MAP4K5: variants seen among roughly 807,000 people sequenced by gnomAD.
MAP4K5 encodes the protein MAPK/ERK kinase kinase kinase 5.
In MAP4K5, 82 loss-of-function variants were observed where a neutral mutation model predicts 135.6. The ratio of observed to expected loss-of-function variants is 0.60; its 90% CI spans 0.51 to 0.73. The LOEUF is 0.73. Among genes scored for constraint, MAP4K5 ranks in the 30% least tolerant of loss-of-function variants. The probability of loss-of-function intolerance (pLI) is 0.00; values close to 1 mark genes in which losing one functional copy is unlikely to be tolerated. For synonymous variants in MAP4K5, 347 were observed against 335.0 expected (o/e 1.04, Z -0.39); for missense variants, 907 against 1,010.9 (o/e 0.90, Z 1.39).
intron 6 of MAP4K5, 104 bp downstream of exon 6, chr14:50,482,257 C>T (rs182828158): frequency 3.3e-6 from 2 of 602,682 alleles, no homozygotes; most frequent in Admixed American, 8.0e-5. Context: ...TTAAGGTAGA[C>T]TATCATTTTA....
chr14:50,486,253 G>T (rs2037361467), intron 3 of MAP4K5, 59 bp from the exon 4 acceptor site: 5 of 629,330 alleles, frequency 7.9e-6, no homozygotes, highest in African/African-American at 7.8e-5. Flanking sequence ...ATGAAAAGAA[G>T]GAAGGAAAAC....
At chr14:50,524,985 C>T (rs964810103) in intron 2 of MAP4K5, among the ~76,000 whole-genome samples, 1 of 152,122 alleles carries the variant, frequency 6.6e-6, no homozygotes, top group Non-Finnish European at 1.5e-5. Context: ...TTCCTCATAC[C>T]GCTTTGTTTC....
chr14:50,521,514 G>T (rs1187546492), intron 2 of MAP4K5, among the ~76,000 whole-genome samples: 2 of 152,110 alleles, frequency 1.3e-5, no homozygotes. Flanking sequence ...GTTTCTTCTT[G>T]GGTAAAATAG....
At chr14:50,450,192 C>T (rs1385391621) in intron 14 of MAP4K5, 1 of 152,048 alleles carries the variant, frequency 6.6e-6, no homozygotes, top group African/African-American at 2.4e-5. Flanking sequence ...GGTGATCTGC[C>T]CACCTAAGCC....
At chr14:50,455,035 A>G (rs1403663501) in intron 14 of MAP4K5, among the ~76,000 whole-genome samples, 4 of 152,026 alleles carry the variant, frequency 2.6e-5, no homozygotes, top group African/African-American at 7.2e-5. Flanking sequence ...AATAGAATAG[A>G]ATTTCCAGAA....
At chr14:50,504,766 C>A in intron 3 of MAP4K5, 34 bp downstream of exon 3, 1 of 1,443,694 alleles carries the variant, frequency 6.9e-7, no homozygotes, top group South Asian at 1.3e-5. Context: ...TATGGAAAAC[C>A]CTCAAAAATT....
chr14:50,506,662 A>G (rs2037816302), intron 2 of MAP4K5, among the ~76,000 whole-genome samples: 1 of 152,156 alleles, frequency 6.6e-6, no homozygotes, highest in Admixed American at 6.5e-5. Context: ...GCAAGAAAAT[A>G]ATTTTCAACA....
At chr14:50,517,371 C>T (rs556829898) in intron 2 of MAP4K5, among the ~76,000 whole-genome samples, 2 of 151,856 alleles carry the variant, frequency 1.3e-5, no homozygotes, top group African/African-American at 2.4e-5. Flanking sequence ...AGGCTGGTCT[C>T]GAACTCCTGA....
At chr14:50,421,203 G>A (rs2035722649) in intron 32 of MAP4K5, among the ~76,000 whole-genome samples, 1 of 151,254 alleles carries the variant, frequency 6.6e-6, no homozygotes, top group African/African-American at 2.4e-5. Context: ...GACATGCTTA[G>A]TTTTTTTTTC....
Position 50,440,363 on chromosome 14 carries a change from T to C in MAP4K5, c.1643A>G (p.Gln548Arg), listed in dbSNP as rs766405010. 6.3e-7 allele frequency: 1 copy of C among 1,579,156 alleles called. No individual in the cohort carries two copies. Among genetic ancestry groups the C allele is most frequent in the Non-Finnish European group, 8.7e-7 (1 of 1,153,618 alleles). The change falls in exon 22 of 33, where the codon CAG (glutamine) becomes CGG (arginine). Residue 548 changes from glutamine (Q) to arginine (R), a missense_variant and splice_region_variant. Around this residue, in one of 3 missense-constraint regions of MAP4K5, gnomAD observed 690 missense variants for 777.4 expected, o/e 0.89. Transcript: ENST00000682126. ...LNELHEATMEQLFPRKCTWLY... is the reference protein window; with the variant it reads ...LNELHEATMERLFPRKCTWLY... ...TCTTGAATTAAAATGCCTAATTACC[T>C]GTTCCATCGTTGCCTCATGTAGCTC...
chr14:50,519,006 T>C (rs1238853449), intron 2 of MAP4K5, among the ~76,000 whole-genome samples: 3 of 152,166 alleles, frequency 2.0e-5, no homozygotes, highest in South Asian at 4.2e-4. Flanking sequence ...ATAATTAAGA[T>C]TGTGTGAAAA....
intron 3 of MAP4K5, among the ~76,000 whole-genome samples, chr14:50,490,762 G>A (rs1244931664): frequency 6.6e-6 from 1 of 152,158 alleles, no homozygotes; most frequent in Admixed American, 6.5e-5. Context: ...TCACAGCTCT[G>A]AATACAATTA....
chr14:50,463,755 CG>C (rs1245361288), intron 12 of MAP4K5, among the ~76,000 whole-genome samples: 2 of 151,628 alleles, frequency 1.3e-5, no homozygotes, highest in African/African-American at 4.8e-5. Context: ...GGTAGTGGCA[CG>C]CGCCTGTAAT....
At chr14:50,549,744 CAG>C (rs1157674100) in intron 1 of MAP4K5, among the ~76,000 whole-genome samples, 1 of 152,166 alleles carries the variant, frequency 6.6e-6, no homozygotes, top group Non-Finnish European at 1.5e-5. Flanking sequence ...TATAACCCAA[CAG>C]GGGCAGGACT....
intron 2 of MAP4K5, among the ~76,000 whole-genome samples, chr14:50,515,296 T>A (rs2038013331): frequency 6.6e-6 from 1 of 152,198 alleles, no homozygotes; most frequent in African/African-American, 2.4e-5. Flanking sequence ...GACTTCAATA[T>A]CCGGAACTAC....
intron 10 of MAP4K5, chr14:50,468,286 C>T (rs2036876794): frequency 1.2e-5 from 2 of 166,110 alleles, no homozygotes; most frequent in South Asian, 3.9e-4. Context: ...ACTCTCATAT[C>T]CTAGTGTGAT....
At chr14:50,458,313 A>G (rs1350066566) in intron 13 of MAP4K5, among the ~76,000 whole-genome samples, 1 of 151,968 alleles carries the variant, frequency 6.6e-6, no homozygotes, top group Non-Finnish European at 1.5e-5. Flanking sequence ...TGACTCTTCT[A>G]TCTATTTTGG....
intron 10 of MAP4K5, among the ~76,000 whole-genome samples, chr14:50,467,984 AG>A (rs908612999): frequency 3.9e-4 from 60 of 152,242 alleles, no homozygotes; most frequent in African/African-American, 1.4e-3. Flanking sequence ...TACCATTTAA[AG>A]TGTCAATTTA....
chr14:50,449,797 C>A (rs1001011806), intron 14 of MAP4K5: 1 of 152,146 alleles, frequency 6.6e-6, no homozygotes, highest in Non-Finnish European at 1.5e-5. Flanking sequence ...TCAAGAACTA[C>A]TACTATTCAT....
Sources: gnomAD v4.1 joint callset for allele counts (sites outside exome capture counted in the v4.1 genomes callset) on GRCh38, gnomAD v4.1.1 for gene constraint, gnomAD v4.1.1 regional missense constraint, MANE v1.5 for transcripts, NCBI Gene and HGNC (gene_info 2026-07-23, HGNC 2026-07-21) for gene names.